POU2F3: variants seen among roughly 807,000 people sequenced by gnomAD.
The protein encoded by POU2F3 is POU class 2 homeobox 3, also known as POU domain, class 2, transcription factor 3.
A neutral mutation model predicts 59.2 loss-of-function variants in POU2F3; 23 were observed. That is an observed-to-expected ratio of 0.39 (90% CI 0.28 to 0.55). The LOEUF (loss-of-function observed/expected upper bound fraction) is 0.55, where lower values mean the gene tolerates loss of function less well. POU2F3 is among the 20% of genes least tolerant of loss of function. The pLI is 0.66. For synonymous variants in POU2F3, 190 were observed against 214.6 expected (o/e 0.89, Z 1.00); for missense variants, 473 against 544.5 (o/e 0.87, Z 1.31).
intron 2 of POU2F3, among the ~76,000 whole-genome samples, chr11:120,261,940 C>T (rs568417175): frequency 3.9e-5 from 6 of 152,182 alleles, no homozygotes; most frequent in Admixed American, 3.3e-4. Context: ...AGCTCTGTGA[C>T]GCTGCAGGTT....
intron 2 of POU2F3, among the ~76,000 whole-genome samples, chr11:120,264,577 G>T (rs539525330): frequency 2.0e-5 from 3 of 152,140 alleles, no homozygotes; most frequent in African/African-American, 4.8e-5. Context: ...CCACCTTTTG[G>T]GGGGGTGGTC....
intron 12 of POU2F3, 131 bp downstream of exon 12, chr11:120,317,495 G>A: frequency 7.6e-7 from 1 of 1,314,988 alleles, no homozygotes; most frequent in Non-Finnish European, 1.1e-6. Flanking sequence ...GGCACAGAGA[G>A]GACAGAGTGA....
At chr11:120,291,944 G>C (rs1941038275) in intron 3 of POU2F3, among the ~76,000 whole-genome samples, 1 of 151,934 alleles carries the variant, frequency 6.6e-6, no homozygotes, top group South Asian at 2.1e-4. Context: ...GAGTAGCTGG[G>C]ACTACAGGCA....
chr11:120,236,978 C>T (rs534055007), upstream of POU2F3, among the ~76,000 whole-genome samples: 64 of 152,254 alleles, frequency 4.2e-4, no homozygotes, highest in African/African-American at 1.2e-3. Context: ...ATGAAGGGTT[C>T]AATGATATCT....
intron 4 of POU2F3, among the ~76,000 whole-genome samples, 175 bp downstream of exon 4, chr11:120,298,565 G>A (rs1941256947): frequency 6.6e-6 from 1 of 152,196 alleles, no homozygotes; most frequent in Non-Finnish European, 1.5e-5. Flanking sequence ...AGCCTAGCTA[G>A]GGAGGTGAAG....
chr11:120,245,458 G>T (rs1039227046), intron 1 of POU2F3, among the ~76,000 whole-genome samples: 1 of 152,092 alleles, frequency 6.6e-6, no homozygotes, highest in African/African-American at 2.4e-5. Flanking sequence ...GTTTGAAAGA[G>T]TTAAAGTGCT....
chr11:120,294,091 G>A (rs1390740768), intron 3 of POU2F3, among the ~76,000 whole-genome samples: 2 of 152,146 alleles, frequency 1.3e-5, no homozygotes, highest in African/African-American at 2.4e-5. Context: ...TCCTTGGAAG[G>A]GGCTCTCTCC....
At chr11:120,290,623 C>T (rs754459447) in intron 3 of POU2F3, among the ~76,000 whole-genome samples, 18 of 152,146 alleles carry the variant, frequency 1.2e-4, no homozygotes, top group Non-Finnish European at 2.5e-4. Flanking sequence ...CCTTGGTTCC[C>T]GTATCTGTTA....
intron 3 of POU2F3, among the ~76,000 whole-genome samples, chr11:120,284,235 T>A (rs1940694149): frequency 6.6e-6 from 1 of 152,196 alleles, no homozygotes; most frequent in South Asian, 2.1e-4. Flanking sequence ...ATTATTGGGC[T>A]GAACCTCTCC....
intron 10 of POU2F3, among the ~76,000 whole-genome samples, chr11:120,314,531 T>TA (rs1336308231): frequency 6.6e-6 from 1 of 152,208 alleles, no homozygotes; most frequent in Non-Finnish European, 1.5e-5. Context: ...ATGACTTAAT[T>TA]AAAATATATA....
upstream of POU2F3, chr11:120,236,771 G>C: frequency 4.3e-6 from 6 of 1,386,392 alleles, no homozygotes; most frequent in South Asian, 6.2e-5. Flanking sequence ...GAGCAAGTCT[G>C]AGAGAGAAGG....
chr11:120,255,717 C>T (rs1402052593), intron 2 of POU2F3, among the ~76,000 whole-genome samples: 1 of 152,028 alleles, frequency 6.6e-6, no homozygotes, highest in Non-Finnish European at 1.5e-5. Flanking sequence ...CGGCGCTGGG[C>T]TGGGTGTTAT....
At chr11:120,296,490 A>C (rs143252402) in intron 3 of POU2F3, among the ~76,000 whole-genome samples, 31 of 152,284 alleles carry the variant, frequency 2.0e-4, no homozygotes, top group African/African-American at 6.7e-4. Context: ...TGTACAGATT[A>C]TTTCATCACC....
In POU2F3 at chr11:120,309,518, CA is replaced by C. The variant is rs757872075; in HGVS notation, c.1004del (p.Lys335ArgfsTer45). On this transcript the variant is annotated frameshift_variant, in exon 10 of 13. Coordinates refer to ENST00000543440, the MANE Select transcript of POU2F3 (RefSeq NM_014352.4). LOFTEE classifies it high-confidence loss of function. ...GAGGGTCTGGTTCTGCAACCGACGC[CA>C]AAAGGAGAAGCGAATCAACTGCCCT... The part of the protein sequence containing the change: ...VVRVWFCNRR[Q>X]KEKRINCPVA... 1 of 1,614,018 alleles carries C rather than the reference CA, an allele frequency of 6.2e-7. No homozygotes were observed. The highest frequency in any genetic ancestry group is 2.2e-5 in the East Asian group (1 of 44,862).
chr11:120,291,814 T>C (rs1158764920), intron 3 of POU2F3, among the ~76,000 whole-genome samples: 1 of 53,690 alleles, frequency 1.9e-5, no homozygotes, highest in Non-Finnish European at 2.8e-5. Flanking sequence ...TTCTTTTTTC[T>C]TTTTTTTTTT....
chr11:120,275,839 G>T (rs538834754), intron 3 of POU2F3, among the ~76,000 whole-genome samples: 1 of 152,326 alleles, frequency 6.6e-6, no homozygotes, highest in Admixed American at 6.5e-5. Context: ...GCCCTGGTGT[G>T]CCCTAGTGTA....
At chr11:120,305,519 G>C (rs1046921884) in intron 7 of POU2F3, 125 bp from the exon 8 acceptor site, 2 of 1,395,076 alleles carry the variant, frequency 1.4e-6, no homozygotes, top group East Asian at 2.3e-5. Context: ...GAAAGGAGCC[G>C]AGCATGGGTG....
At chr11:120,309,023 A>T (rs1941583182) in intron 9 of POU2F3, among the ~76,000 whole-genome samples, 1 of 150,650 alleles carries the variant, frequency 6.6e-6, no homozygotes, top group Non-Finnish European at 1.5e-5. Flanking sequence ...AGAACACAGA[A>T]GGGAGCAGCA....
At chr11:120,293,580 C>T (rs914770220) in intron 3 of POU2F3, among the ~76,000 whole-genome samples, 12 of 152,212 alleles carry the variant, frequency 7.9e-5, no homozygotes, top group Non-Finnish European at 1.6e-4. Context: ...TGAAACGCTC[C>T]TTCTTGTGAA....
Sources: allele counts gnomAD v4.1 joint callset (sites outside exome capture counted in the v4.1 genomes callset), GRCh38; gene constraint gnomAD v4.1.1; transcripts MANE v1.5; gene names NCBI Gene and HGNC (gene_info 2026-07-23, HGNC 2026-07-21).